The following NKAIN2 variants were observed in gnomAD, a reference collection of about 807,000 sequenced individuals.
NKAIN2 encodes the protein sodium/potassium transporting ATPase interacting 2.
Under a neutral mutation model 32.6 loss-of-function variants are expected in NKAIN2, and 14 were observed. The observed-to-expected ratio is 0.43, with a 90% confidence interval of 0.28 to 0.67. The LOEUF is 0.67. Among genes scored for constraint, NKAIN2 ranks in the 30% least tolerant of loss-of-function variants. The pLI is 0.17. For missense variants in NKAIN2, 198 were observed against 258.3 expected (o/e 0.77, Z 1.60); for synonymous variants, 80 against 87.2 (o/e 0.92, Z 0.46).
intron 3 of NKAIN2, among the ~76,000 whole-genome samples, chr6:124,509,944 C>G (rs1308041078): frequency 6.6e-6 from 1 of 152,120 alleles, no homozygotes; most frequent in Non-Finnish European, 1.5e-5. Context: ...GAAAATGTTC[C>G]TTTCAGTCAG....
chr6:123,868,343 T>C (rs529657450), intron 1 of NKAIN2, among the ~76,000 whole-genome samples: 1 of 152,216 alleles, frequency 6.6e-6, no homozygotes, highest in African/African-American at 2.4e-5. Flanking sequence ...AATAAATTAA[T>C]GAAAGGCTGG....
At chr6:124,134,632 C>G (rs1245179273) in intron 1 of NKAIN2, among the ~76,000 whole-genome samples, 1 of 152,060 alleles carries the variant, frequency 6.6e-6, no homozygotes, top group African/African-American at 2.4e-5. Flanking sequence ...TGCAGTGAGC[C>G]AGAATTACAC....
chr6:124,036,681 C>G (rs1482748617), intron 1 of NKAIN2, among the ~76,000 whole-genome samples: 3 of 152,090 alleles, frequency 2.0e-5, no homozygotes, highest in Admixed American at 1.3e-4. Context: ...AAAGAAATTC[C>G]TGACCTTGCC....
chr6:124,343,312 G>A (rs1413887579), intron 2 of NKAIN2, among the ~76,000 whole-genome samples: 1 of 151,584 alleles, frequency 6.6e-6, no homozygotes, highest in African/African-American at 2.4e-5. Flanking sequence ...TGTCTTTATA[G>A]CAGCATGATT....
chr6:124,784,895 G>A (rs1582519807), intron 4 of NKAIN2, among the ~76,000 whole-genome samples: 1 of 152,064 alleles, frequency 6.6e-6, no homozygotes, highest in East Asian at 1.9e-4. Flanking sequence ...AAGTTTGATT[G>A]TCATGCATCT....
At chr6:124,067,255 A>C (rs891230787) in intron 1 of NKAIN2, among the ~76,000 whole-genome samples, 1 of 152,092 alleles carries the variant, frequency 6.6e-6, no homozygotes, top group Non-Finnish European at 1.5e-5. Flanking sequence ...TGAATCACAT[A>C]TCTCTCTCGT....
intron 1 of NKAIN2, among the ~76,000 whole-genome samples, chr6:124,102,980 C>T (rs568128348): frequency 5.7e-4 from 86 of 152,094 alleles, no homozygotes; most frequent in African/African-American, 1.1e-3. Context: ...ACTGGAAACA[C>T]GTATTAATTG....
intron 1 of NKAIN2, among the ~76,000 whole-genome samples, chr6:123,839,227 CAAA>C (rs1200980541): frequency 1.0e-4 from 10 of 95,796 alleles, no homozygotes; most frequent in East Asian, 8.6e-4. Flanking sequence ...CTAAACACTC[CAAA>C]AAAAAAAAAA....
At chr6:123,993,871 T>C (rs1185478178) in intron 1 of NKAIN2, among the ~76,000 whole-genome samples, 2 of 152,162 alleles carry the variant, frequency 1.3e-5, no homozygotes, top group African/African-American at 4.8e-5. Flanking sequence ...CCATTTCCAA[T>C]AGAACCATGC....
intron 3 of NKAIN2, among the ~76,000 whole-genome samples, chr6:124,540,960 A>G (rs1302733429): frequency 6.6e-6 from 1 of 152,088 alleles, no homozygotes; most frequent in East Asian, 1.9e-4. Flanking sequence ...CCCCTTTTCA[A>G]CTTATCATGG....
chr6:124,169,813 G>T (rs527634478), intron 1 of NKAIN2, among the ~76,000 whole-genome samples: 2 of 152,136 alleles, frequency 1.3e-5, no homozygotes, highest in Admixed American at 1.3e-4. Flanking sequence ...CCTCACCATT[G>T]GGGTGGAACG....
chr6:124,336,184 G>T (rs1797850555), intron 2 of NKAIN2, among the ~76,000 whole-genome samples: 1 of 152,196 alleles, frequency 6.6e-6, no homozygotes, highest in African/African-American at 2.4e-5. Context: ...TCTGTTAACA[G>T]AATCCTAATT....
chr6:124,200,743 C>T (rs1790553005), intron 1 of NKAIN2, among the ~76,000 whole-genome samples: 1 of 152,008 alleles, frequency 6.6e-6, no homozygotes, highest in African/African-American at 2.4e-5. Flanking sequence ...ATAATCATTA[C>T]CTTCTTTTTT....
intron 3 of NKAIN2, among the ~76,000 whole-genome samples, chr6:124,411,409 TGTAAA>T (rs1774175345): frequency 6.6e-6 from 1 of 152,108 alleles, no homozygotes; most frequent in Non-Finnish European, 1.5e-5. Flanking sequence ...TTTGCTTGTC[TGTAAA>T]GTATTTTATT....
intron 3 of NKAIN2, among the ~76,000 whole-genome samples, chr6:124,626,816 A>G (rs1783368961): frequency 6.6e-6 from 1 of 152,164 alleles, no homozygotes; most frequent in Non-Finnish European, 1.5e-5. Context: ...ACCTAGTTTT[A>G]CTTATCAAGA....
chr6:124,470,280 G>C (rs1776921041), intron 3 of NKAIN2, among the ~76,000 whole-genome samples: 1 of 152,138 alleles, frequency 6.6e-6, no homozygotes, highest in South Asian at 2.1e-4. Flanking sequence ...AGGCAGAGCT[G>C]TGGAAGCCTC....
chr6:124,405,885 G>A (rs1397160348), intron 3 of NKAIN2, among the ~76,000 whole-genome samples: 1 of 152,018 alleles, frequency 6.6e-6, no homozygotes, highest in African/African-American at 2.4e-5. Flanking sequence ...CATTACTAGG[G>A]CTTTGAAATA....
chr6:123,809,370 T>TGTTTATTC (rs1266515942), intron 1 of NKAIN2, among the ~76,000 whole-genome samples: 1 of 152,114 alleles, frequency 6.6e-6, no homozygotes, highest in African/African-American at 2.4e-5. Flanking sequence ...GAATAAGTAC[T>TGTTTATTC]CTATTTATTC....
chr6:123,965,824 T>A (rs1417953270), intron 1 of NKAIN2, among the ~76,000 whole-genome samples: 1 of 152,242 alleles, frequency 6.6e-6, no homozygotes, highest in Non-Finnish European at 1.5e-5. Context: ...TTGGCATCTC[T>A]TATTGAATCT....
Sources: gnomAD v4.1 joint callset for allele counts (sites outside exome capture counted in the v4.1 genomes callset) on GRCh38, gnomAD v4.1.1 for gene constraint, MANE v1.5 for transcripts, NCBI Gene and HGNC (gene_info 2026-07-23, HGNC 2026-07-21) for gene names.